Variants in CDH13 observed in about 807,000 individuals in gnomAD.
The protein encoded by CDH13 is cadherin-13.
CDH13 carries 24 observed loss-of-function variants against 63.8 expected under a neutral mutation model. The observed-to-expected ratio is 0.38, with a 90% CI of 0.27 to 0.53. CDH13 has a LOEUF of 0.53. Among genes scored for constraint, CDH13 ranks in the 20% least tolerant of loss-of-function variants. The pLI, the probability that CDH13 is intolerant of heterozygous loss-of-function variation, is 0.85. For missense variants in CDH13, 1,049 were observed against 903.1 expected, an observed-to-expected ratio of 1.16 and a Z score of -2.07; for synonymous variants, 503 against 355.3, an observed-to-expected ratio of 1.42 and a Z score of -4.67.
At chr16:83,520,189 G>T (rs2074796325) in intron 7 of CDH13, among the ~76,000 whole-genome samples, 2 of 152,184 alleles carry the variant, frequency 1.3e-5, no homozygotes, top group Admixed American at 1.3e-4. Context: ...TCAATGACTA[G>T]AGGTAAACAG....
chr16:83,153,948 A>G (rs151093601), intron 4 of CDH13, among the ~76,000 whole-genome samples: 1 of 152,312 alleles, frequency 6.6e-6, no homozygotes, highest in African/African-American at 2.4e-5. Flanking sequence ...CAGTGCAACA[A>G]AAGAAGCTTG....
At chr16:82,970,460 C>G (rs925128934) in intron 2 of CDH13, among the ~76,000 whole-genome samples, 2 of 104,416 alleles carry the variant, frequency 1.9e-5, no homozygotes, top group Non-Finnish European at 4.2e-5. Flanking sequence ...ACTGCAGTGG[C>G]GCAATCTCGG....
chr16:83,018,975 G>T (rs920248296), intron 2 of CDH13, among the ~76,000 whole-genome samples: 2 of 152,136 alleles, frequency 1.3e-5, no homozygotes, highest in Admixed American at 6.5e-5. Context: ...GTGAGTGAGT[G>T]GTGAGTGAAT....
chr16:83,537,817 C>A (rs887571301), intron 7 of CDH13, among the ~76,000 whole-genome samples: 1 of 152,098 alleles, frequency 6.6e-6, no homozygotes, highest in African/African-American at 2.4e-5. Flanking sequence ...TCTGATCAGG[C>A]CATTATACCA....
rs200812686 is a variant in CDH13, at chr16:82,992,378, C to T, written c.158-39632C>T. On this transcript the variant is annotated intron_variant, in intron 2 of 13. Coordinates refer to ENST00000567109, the MANE Select transcript of CDH13 (RefSeq NM_001257.5). ...CATTAAATGGAGATTTTGATATATACAATCAGAGTTAAATATGTGTATATA... is the reference window on the plus strand; with the variant it reads ...CATTAAATGGAGATTTTGATATATATAATCAGAGTTAAATATGTGTATATA... 1.1e-4 allele frequency among the ~76,000 whole-genome samples: 17 copies of T among 152,258 alleles called. No individual in the cohort carries two copies. The East Asian group carries it at 3.1e-3, about 28-fold the overall frequency.
At chr16:83,346,347 A>G (rs1478865887) in intron 6 of CDH13, among the ~76,000 whole-genome samples, 1 of 152,100 alleles carries the variant, frequency 6.6e-6, no homozygotes, top group East Asian at 1.9e-4. Context: ...AACACCCTAG[A>G]ATTTCGGTTT....
intron 5 of CDH13, among the ~76,000 whole-genome samples, chr16:83,311,138 T>C (rs1406951675): frequency 6.6e-6 from 1 of 152,222 alleles, no homozygotes. Context: ...TGTGATGAAA[T>C]TAAATCCCTG....
At chr16:83,274,325 C>T (rs187774127) in intron 5 of CDH13, among the ~76,000 whole-genome samples, 42 of 152,294 alleles carry the variant, frequency 2.8e-4, no homozygotes, top group African/African-American at 1.0e-3. Context: ...AGAGACCTCT[C>T]AGTTAGCTCA....
chr16:83,398,170 C>T (rs991717456), intron 6 of CDH13: 3 of 132,298 alleles, frequency 2.3e-5, no homozygotes, highest in Non-Finnish European at 5.0e-5. Context: ...ATATTAATTT[C>T]CTAGGGCTGC....
At chr16:82,767,470 TG>T (rs2151091891) in intron 1 of CDH13, among the ~76,000 whole-genome samples, 1 of 152,362 alleles carries the variant, frequency 6.6e-6, no homozygotes, top group South Asian at 2.1e-4. Flanking sequence ...GTTGCACCGA[TG>T]TGCTTTCTGA....
chr16:83,789,367 G>T (rs1225325417), intron 13 of CDH13, among the ~76,000 whole-genome samples: 30 of 104,396 alleles, frequency 2.9e-4, no homozygotes, highest in African/African-American at 1.2e-3. Flanking sequence ...TTTGTTTTAA[G>T]ACTGAGTCTT....
intron 13 of CDH13, among the ~76,000 whole-genome samples, chr16:83,794,783 G>A (rs1317426668): frequency 6.6e-6 from 1 of 152,104 alleles, no homozygotes; most frequent in African/African-American, 2.4e-5. Context: ...CTCTCGGTCT[G>A]AGCGATGTTT....
intron 3 of CDH13, among the ~76,000 whole-genome samples, chr16:83,044,632 A>G (rs1055662679): frequency 1.3e-5 from 2 of 152,230 alleles, no homozygotes; most frequent in African/African-American, 4.8e-5. Context: ...TATAATTTAC[A>G]ACTTTGTTTA....
At chr16:82,885,466 C>CCCGT (rs1555535239) in intron 2 of CDH13, among the ~76,000 whole-genome samples, 1 of 129,224 alleles carries the variant, frequency 7.7e-6, no homozygotes, top group East Asian at 2.4e-4. Context: ...CATCCACCTA[C>CCCGT]CCATCCATCC....
At chr16:83,079,619 T>A (rs555507661) in intron 3 of CDH13, among the ~76,000 whole-genome samples, 1 of 152,342 alleles carries the variant, frequency 6.6e-6, no homozygotes, top group East Asian at 1.9e-4. Flanking sequence ...TGGTTCTCTT[T>A]GTAGTTGTCA....
chr16:83,279,993 T>G (rs2089114922), intron 5 of CDH13, among the ~76,000 whole-genome samples: 1 of 152,236 alleles, frequency 6.6e-6, no homozygotes, highest in Non-Finnish European at 1.5e-5. Context: ...CATCTGAATC[T>G]TTTTGCTGGT....
chr16:83,766,116 C>T (rs922852153), intron 11 of CDH13, among the ~76,000 whole-genome samples: 1 of 152,174 alleles, frequency 6.6e-6, no homozygotes, highest in African/African-American at 2.4e-5. Flanking sequence ...GGACACTAGC[C>T]AAGGTCCCTC....
intron 10 of CDH13, among the ~76,000 whole-genome samples, chr16:83,728,342 C>CATGTGTGTGTGTGTGTGTGTGT (rs1555521385): frequency 3.4e-5 from 5 of 149,212 alleles, no homozygotes; most frequent in African/African-American, 1.2e-4. Context: ...TATGTGTGTG[C>CATGTGTGTGTGTGTGTGTGTGT]GTGTGTGTGT....
intron 5 of CDH13, among the ~76,000 whole-genome samples, chr16:83,279,443 C>T (rs1413948012): frequency 2.6e-5 from 4 of 152,112 alleles, no homozygotes; most frequent in Admixed American, 2.6e-4. Flanking sequence ...ACAATAGCTG[C>T]AATGCAAGTG....
Sources: allele counts gnomAD v4.1 joint callset (sites outside exome capture counted in the v4.1 genomes callset), GRCh38; gene constraint gnomAD v4.1.1; transcripts MANE v1.5; gene names NCBI Gene and HGNC (gene_info 2026-07-23, HGNC 2026-07-21).